The following CSMD1 variants were observed in gnomAD, a reference collection of about 807,000 sequenced individuals.
CSMD1 encodes CUB and Sushi multiple domains 1.
Under a neutral mutation model 417.5 loss-of-function variants are expected in CSMD1, and 213 were observed. That is an observed-to-expected ratio of 0.51 (90% CI 0.46 to 0.57). CSMD1 has a LOEUF of 0.57. Ranked by LOEUF, CSMD1 falls within the 20% of genes least tolerant of loss-of-function variation. The probability of loss-of-function intolerance (pLI) is 0.00; values close to 1 mark genes in which losing one functional copy is unlikely to be tolerated. For missense variants in CSMD1, 6,923 were observed against 4,529.7 expected (o/e 1.53, Z -15.17); for synonymous variants, 2,862 against 1,736.8 (o/e 1.65, Z -16.11).
chr8:4,258,308 TGAGGGAGGAGAGGGAGAAAGAGAGG>T (rs1563347870), intron 3 of CSMD1, among the ~76,000 whole-genome samples: 4 of 72,046 alleles, frequency 5.6e-5, no homozygotes, highest in East Asian at 3.3e-4. Flanking sequence ...AGAAAGAGAG[TGAGGGAGGAGAGGGAGAAAGAGAGG>T]GAGGGAGGGG....
chr8:3,861,303 A>G lies in CSMD1; in HGVS notation c.819-107261T>C, dbSNP rs148724611. Among the ~76,000 whole-genome samples the G allele has an allele frequency of 4.7e-3, 711 of 152,348 alleles. 3 individuals carry two copies. Among genetic ancestry groups the G allele is most frequent in the Middle Eastern group, 0.01 (3 of 294 alleles). ...ATCATTAAACCTTCCTTTGTCCTACATGAATATTTTATCTTGGCTGGCATA... is the reference window on the plus strand; with the variant it reads ...ATCATTAAACCTTCCTTTGTCCTACGTGAATATTTTATCTTGGCTGGCATA... On this transcript the variant is annotated intron_variant, in intron 5 of 69. Coordinates refer to ENST00000635120, the MANE Select transcript of CSMD1 (RefSeq NM_033225.6).
chr8:3,649,415 T>C (rs1797733953), intron 7 of CSMD1, among the ~76,000 whole-genome samples: 1 of 152,190 alleles, frequency 6.6e-6, no homozygotes, highest in South Asian at 2.1e-4. Context: ...CTGCTATAAA[T>C]AACTGCCTGA....
intron 2 of CSMD1, among the ~76,000 whole-genome samples, chr8:4,605,078 G>A (rs1268450271): frequency 6.6e-6 from 1 of 152,160 alleles, no homozygotes; most frequent in Non-Finnish European, 1.5e-5. Flanking sequence ...CTAAGCTAAT[G>A]TGGAACTTAA....
At chr8:3,160,873 C>G (rs1427090320) in intron 38 of CSMD1, among the ~76,000 whole-genome samples, 3 of 152,130 alleles carry the variant, frequency 2.0e-5, no homozygotes, top group South Asian at 2.1e-4. Context: ...TTTGCCAGCC[C>G]CTGTTCTTGC....
intron 3 of CSMD1, among the ~76,000 whole-genome samples, chr8:4,397,728 A>G (rs1386956699): frequency 6.6e-6 from 1 of 152,050 alleles, no homozygotes; most frequent in East Asian, 1.9e-4. Context: ...TTGAATCTCA[A>G]AATACAAATA....
intron 6 of CSMD1, among the ~76,000 whole-genome samples, chr8:3,727,074 T>C (rs778366078): frequency 3.0e-4 from 45 of 152,344 alleles, no homozygotes; most frequent in Non-Finnish European, 5.4e-4. Context: ...TATATAAAGA[T>C]AATGGCATTT....
intron 2 of CSMD1, among the ~76,000 whole-genome samples, chr8:4,572,312 G>C (rs1359477998): frequency 1.3e-5 from 2 of 152,166 alleles, no homozygotes; most frequent in African/African-American, 4.8e-5. Flanking sequence ...GGCAGGCCTA[G>C]TGGTGACAAA....
At chr8:4,905,382 T>A (rs1344648429) in intron 1 of CSMD1, among the ~76,000 whole-genome samples, 2 of 152,068 alleles carry the variant, frequency 1.3e-5, no homozygotes, top group African/African-American at 4.8e-5. Flanking sequence ...ATAAAATATA[T>A]ATATTTACAC....
intron 4 of CSMD1, among the ~76,000 whole-genome samples, chr8:4,000,068 A>T (rs1275212635): frequency 6.6e-6 from 1 of 152,260 alleles, no homozygotes; most frequent in African/African-American, 2.4e-5. Context: ...CTGCAAAAGT[A>T]CTTCCTGTGC....
chr8:4,232,507 C>G (rs1043855858), intron 3 of CSMD1, among the ~76,000 whole-genome samples: 1 of 152,124 alleles, frequency 6.6e-6, no homozygotes, highest in Non-Finnish European at 1.5e-5. Flanking sequence ...CCACACATGT[C>G]CTTTAAATTA....
At chr8:4,981,976 G>C (rs537464838) in intron 1 of CSMD1, among the ~76,000 whole-genome samples, 1 of 152,140 alleles carries the variant, frequency 6.6e-6, no homozygotes, top group Non-Finnish European at 1.5e-5. Context: ...CCCAGGAACT[G>C]ATGGTAAACT....
At chr8:4,884,913 T>C (rs538431428) in intron 1 of CSMD1, among the ~76,000 whole-genome samples, 4 of 152,224 alleles carry the variant, frequency 2.6e-5, no homozygotes, top group African/African-American at 7.2e-5. Flanking sequence ...GATATAGGTA[T>C]TGCATTGAAG....
At chr8:4,946,874 T>C (rs998139209) in intron 1 of CSMD1, among the ~76,000 whole-genome samples, 7 of 151,970 alleles carry the variant, frequency 4.6e-5, no homozygotes, top group African/African-American at 7.3e-5. Context: ...ATCATAGCCA[T>C]GATTTAATAA....
chr8:3,505,941 CAA>C (rs1480138232), intron 10 of CSMD1, among the ~76,000 whole-genome samples: 1 of 152,070 alleles, frequency 6.6e-6, no homozygotes, highest in Non-Finnish European at 1.5e-5. Flanking sequence ...GAATGATCTC[CAA>C]AAAGTTATGT....
At chr8:3,125,832 C>T (rs1817478279) in intron 41 of CSMD1, among the ~76,000 whole-genome samples, 2 of 152,146 alleles carry the variant, frequency 1.3e-5, no homozygotes, top group African/African-American at 4.8e-5. Flanking sequence ...CAAAAATTAG[C>T]TGGGCGTGGT....
At chr8:4,231,146 C>A (rs539438706) in intron 3 of CSMD1, among the ~76,000 whole-genome samples, 1 of 152,108 alleles carries the variant, frequency 6.6e-6, no homozygotes, top group South Asian at 2.1e-4. Context: ...CGAAAACTAA[C>A]AGGATATTGA....
chr8:3,891,690 A>AG (rs1444164571), intron 5 of CSMD1, among the ~76,000 whole-genome samples: 3 of 151,532 alleles, frequency 2.0e-5, no homozygotes, highest in Non-Finnish European at 1.5e-5. Flanking sequence ...CTCAAAACGA[A>AG]AAAAAAAGGA....
chr8:3,493,504 T>G (rs966660666), intron 11 of CSMD1, 119 bp downstream of exon 11: 3 of 706,816 alleles, frequency 4.2e-6, no homozygotes, highest in Middle Eastern at 2.7e-4. Flanking sequence ...ACATTAGCCA[T>G]AGATGGCACT....
chr8:2,982,980 C>T (rs1169229169), intron 54 of CSMD1, among the ~76,000 whole-genome samples: 20 of 152,112 alleles, frequency 1.3e-4, no homozygotes, highest in Admixed American at 1.3e-3. Context: ...AGATGCTGGG[C>T]TCTTCGGGCA....
Sources: allele counts gnomAD v4.1 joint callset (sites outside exome capture counted in the v4.1 genomes callset), GRCh38; gene constraint gnomAD v4.1.1; transcripts MANE v1.5; gene names NCBI Gene and HGNC (gene_info 2026-07-23, HGNC 2026-07-21).